Variants in HTR2A observed in about 807,000 individuals in gnomAD.
HTR2A encodes 5-HT2 receptor.
Under a neutral mutation model 31.0 loss-of-function variants are expected in HTR2A, and 14 were observed. The ratio of observed to expected loss-of-function variants is 0.45; its 90% CI spans 0.30 to 0.71. HTR2A has a LOEUF of 0.71. Among genes scored for constraint, HTR2A ranks in the 30% least tolerant of loss-of-function variants. The pLI is 0.09. For missense variants in HTR2A, 442 were observed against 573.3 expected (o/e 0.77, Z 2.34); for synonymous variants, 209 against 225.2 (o/e 0.93, Z 0.64).
chr13:46,877,201 G>T (rs1037308402), intron 3 of HTR2A, among the ~76,000 whole-genome samples: 1 of 152,100 alleles, frequency 6.6e-6, no homozygotes, highest in Non-Finnish European at 1.5e-5. Flanking sequence ...CAAAAAAACT[G>T]CCCTGAGATG....
chr13:46,866,898 G>A (rs535714000), intron 3 of HTR2A, among the ~76,000 whole-genome samples: 2 of 152,124 alleles, frequency 1.3e-5, no homozygotes, highest in Admixed American at 1.3e-4. Flanking sequence ...GTGGTGGTGG[G>A]CGCCTGTAAT....
In HTR2A at chr13:46,832,303, T is replaced by C. The variant is rs1388408284; in HGVS notation, c.*2534A>G. The C allele has an allele frequency of 1.3e-5, 2 of 152,262 alleles. No individual in the cohort carries two copies. The highest frequency in any genetic ancestry group is 2.4e-5 in the African/African-American group (1 of 41,480). 9.4% of individuals were successfully genotyped at this position (152,262 alleles called of 1,614,324 possible). A position where few individuals can be genotyped will look rare whatever the true frequency, so the allele number is the denominator to read the frequency against. ...CATGTGTATATACTGAGTGTTTTCATTGACTTGCTTTTCGTCCATATAAAT... is the reference window on the plus strand; with the variant it reads ...CATGTGTATATACTGAGTGTTTTCACTGACTTGCTTTTCGTCCATATAAAT... On this transcript the variant is annotated 3_prime_UTR_variant, in exon 4 of 4. Coordinates refer to ENST00000542664, the MANE Select transcript of HTR2A (RefSeq NM_000621.5).
intron 3 of HTR2A, among the ~76,000 whole-genome samples, chr13:46,889,337 CA>C (rs1951032570): frequency 6.6e-6 from 1 of 151,952 alleles, no homozygotes; most frequent in African/African-American, 2.4e-5. Context: ...AATGTAAATG[CA>C]ATAACTATAG....
Position 46,835,009 on chromosome 13 carries a change from G to A in HTR2A, c.1244C>T (p.Pro415Leu), listed in dbSNP as rs763140129. 8.1e-6 allele frequency: 13 copies of A among 1,614,046 alleles called. No homozygotes were observed. Among genetic ancestry groups the A allele is most frequent in the East Asian group, 2.2e-5 (1 of 44,892 alleles). The change falls in exon 4 of 4, where the codon CCG becomes CTG. Residue 415 changes from proline (P) to leucine (L), a missense_variant. Physicochemically the swap from Pro to Leu is moderately conservative, Grantham distance 98 (BLOSUM62 -3). This residue lies in a region of HTR2A where 88 missense variants were observed against 83.1 expected (regional missense o/e 1.06). Coordinates refer to ENST00000542664, the MANE Select transcript of HTR2A (RefSeq NM_000621.5). ...PLQLILVNTI[P>L]ALAYKSSQLQ... ...TTGGCTAGACTTGTAGGCCAAAGCC[G>A]GTATTGTGTTCACTAAAATTAACTG...
At chr13:46,852,313 G>C (rs1383796009) in intron 3 of HTR2A, 1 of 152,332 alleles carries the variant, frequency 6.6e-6, no homozygotes, top group Non-Finnish European at 1.5e-5. Flanking sequence ...CTAAGGAGCT[G>C]GCACACATTG....
chr13:46,835,163 C>A lies in HTR2A; in HGVS notation c.1090G>T (p.Val364Leu). 1 of 1,614,096 alleles carries A rather than the reference C, an allele frequency of 6.2e-7. No individual in the cohort carries two copies. The highest frequency in any genetic ancestry group is 8.5e-7 in the Non-Finnish European group (1 of 1,179,994). The change falls in exon 4 of 4, where the codon GTG becomes TTG. Residue 364 changes from valine (V) to leucine (L), a missense_variant. Val to Leu is a conservative substitution (Grantham distance 32). This residue lies in a region of HTR2A where 174 missense variants were observed against 195.1 expected (regional missense o/e 0.89). Coordinates refer to ENST00000542664, the MANE Select transcript of HTR2A (RefSeq NM_000621.5). ...GAGAGATAACCGATCCAAACAAACACATTGAGCAGGGCCCCAATGACATCC... is the reference window on the plus strand; with the variant it reads ...GAGAGATAACCGATCCAAACAAACAAATTGAGCAGGGCCCCAATGACATCC... ...NEDVIGALLN[V>L]FVWIGYLSSA... is the part of the protein sequence containing the mutation.
chr13:46,866,476 T>C (rs1950819308), intron 3 of HTR2A, among the ~76,000 whole-genome samples: 1 of 152,238 alleles, frequency 6.6e-6, no homozygotes, highest in Non-Finnish European at 1.5e-5. Context: ...TAAACAGTAA[T>C]GCACTTGAAG....
At chr13:46,838,977 TAC>T (rs67738033) in intron 3 of HTR2A, among the ~76,000 whole-genome samples, 36,119 of 140,152 alleles carry the variant, frequency 0.26, 4,985 homozygotes, top group East Asian at 0.53. Flanking sequence ...GACACACACA[TAC>T]ACACACACAC....
In HTR2A at chr13:46,833,234, A is replaced by C. The variant is rs1429919124; in HGVS notation, c.*1603T>G. ...CCAATCAGGAAAACTTATTTTTAAA[A>C]CTACTCTCACAGTTGAAACAAACTT... On this transcript the variant is annotated 3_prime_UTR_variant, in exon 4 of 4. Transcript: ENST00000542664. 1.3e-5 allele frequency: 2 copies of C among 152,224 alleles called. No homozygotes were observed. The highest frequency in any genetic ancestry group is 2.9e-5 in the Non-Finnish European group (2 of 68,042). 9.4% of individuals were successfully genotyped at this position (152,224 alleles called of 1,614,324 possible). A position where few individuals can be genotyped will look rare whatever the true frequency, so the allele number is the denominator to read the frequency against.
At chr13:46,869,784 T>C (rs538691122) in intron 3 of HTR2A, among the ~76,000 whole-genome samples, 4 of 152,278 alleles carry the variant, frequency 2.6e-5, no homozygotes, top group African/African-American at 7.2e-5. Context: ...AACAGTATGC[T>C]AAGTGAAATA....
intron 3 of HTR2A, among the ~76,000 whole-genome samples, chr13:46,872,429 A>G (rs936506958): frequency 6.6e-6 from 1 of 152,230 alleles, no homozygotes; most frequent in African/African-American, 2.4e-5. Context: ...TTGCATCTCA[A>G]TTAGTAATTA....
chr13:46,840,824 T>C (rs1207786525), intron 3 of HTR2A, among the ~76,000 whole-genome samples: 1 of 152,196 alleles, frequency 6.6e-6, no homozygotes, highest in Non-Finnish European at 1.5e-5. Context: ...TTTCCTTAGA[T>C]GGGCAGAAAA....
rs746513298 is a variant in HTR2A, at chr13:46,892,493, C to A, written c.510G>T (p.Ser170=). The A allele has an allele frequency of 6.2e-7, 1 of 1,614,166 alleles. No homozygotes were observed. The highest frequency in any genetic ancestry group is 8.5e-7 in the Non-Finnish European group (1 of 1,180,026). ...TASIMHLCAI[S]LDRYVAIQNP... is the part of the protein sequence containing the mutation. ...TCTGGATGGCGACGTAGCGGTCCAG[C>A]GAGATGGCGCAGAGGTGCATGATGG... is the stretch of plus-strand genomic sequence containing the variant. The change falls in exon 3 of 4, where the codon TCG becomes TCT. Residue 170 remains serine, a synonymous_variant. Coordinates refer to ENST00000542664, the MANE Select transcript of HTR2A (RefSeq NM_000621.5).
At chr13:46,844,761 G>C (rs1950627967) in intron 3 of HTR2A, among the ~76,000 whole-genome samples, 1 of 152,348 alleles carries the variant, frequency 6.6e-6, no homozygotes, top group East Asian at 1.9e-4. Context: ...TCCAGACTCT[G>C]TTAATCACTA....
chr13:46,896,194 G>T lies in HTR2A; in HGVS notation c.-288C>A. The T allele has an allele frequency of 8.5e-7, 1 of 1,172,568 alleles. No individual in the cohort carries two copies. Among genetic ancestry groups the T allele is most frequent in the East Asian group, 4.4e-5 (1 of 22,862 alleles). 72.6% of individuals were successfully genotyped at this position (1,172,568 alleles called of 1,614,324 possible). On this transcript the variant is annotated 5_prime_UTR_variant, in exon 2 of 4. Transcript: ENST00000542664. The stretch of plus-strand genomic sequence containing the variant: ...AAGCAGAATGAACTTTTAGCATAGA[G>T]GTTGCAGGGTTTTTTTTGAGCGCTC...
Position 46,896,971 on chromosome 13 carries a change from G to A in HTR2A, c.-626C>T, listed in dbSNP as rs944860824. ...AATCATTCACGAGCCCCTCAAAGTC[G>A]CACAAAAGAACTGCATGGGAAAGTA... On this transcript the variant is annotated 5_prime_UTR_variant, in exon 1 of 4. Coordinates refer to ENST00000542664, the MANE Select transcript of HTR2A (RefSeq NM_000621.5). 3.6e-5 allele frequency: 25 copies of A among 701,900 alleles called. No homozygotes were observed. The highest frequency in any genetic ancestry group is 1.6e-4 in the South Asian group (9 of 55,856). The allele number at this position is 701,900 out of a possible 1,614,324, so 43.5% of individuals were successfully genotyped here.
intron 3 of HTR2A, among the ~76,000 whole-genome samples, chr13:46,854,932 A>G (rs984308726): frequency 1.3e-5 from 2 of 152,206 alleles, no homozygotes; most frequent in African/African-American, 2.4e-5. Flanking sequence ...GCCCTAATCC[A>G]CTACGACTGA....
chr13:46,849,150 C>T (rs1950664088), intron 3 of HTR2A, among the ~76,000 whole-genome samples: 1 of 152,318 alleles, frequency 6.6e-6, no homozygotes, highest in Middle Eastern at 3.4e-3. Context: ...ACCATCTATC[C>T]AGATACACAG....
rs1566298347 is a variant in HTR2A, at chr13:46,835,581, C to G, written c.672G>C (p.Glu224Asp). Residue 224 changes from glutamate to aspartate, a missense_variant, in exon 4 of 4, where the codon GAG (glutamate) becomes GAC (aspartate). Glu to Asp is a conservative substitution (Grantham distance 45). Coordinates refer to ENST00000542664, the MANE Select transcript of HTR2A (RefSeq NM_000621.5). Reference protein sequence around the residue: ...GLQDDSKVFKEGSCLLADDNF... With the variant: ...GLQDDSKVFKDGSCLLADDNF... ...TATCATCGGCGAGTAAGCAACTCCCCTCCTTAAAGACCTTCGAATCGTCCT... is the reference window on the plus strand; with the variant it reads ...TATCATCGGCGAGTAAGCAACTCCCGTCCTTAAAGACCTTCGAATCGTCCT... The G allele has an allele frequency of 6.2e-7, 1 of 1,614,042 alleles. No homozygotes were observed. Among genetic ancestry groups the G allele is most frequent in the Non-Finnish European group, 8.5e-7 (1 of 1,179,938 alleles).
Sources: gnomAD v4.1 joint callset for allele counts (sites outside exome capture counted in the v4.1 genomes callset) on GRCh38, gnomAD v4.1.1 for gene constraint, gnomAD v4.1.1 regional missense constraint, MANE v1.5 for transcripts, NCBI Gene and HGNC (gene_info 2026-07-23, HGNC 2026-07-21) for gene names.